The following FHOD3 variants were observed in gnomAD, a reference collection of about 807,000 sequenced individuals.
FHOD3 encodes formin homology 2 domain containing 3.
FHOD3 carries 90 observed loss-of-function variants against 173.0 expected under a neutral mutation model. The observed-to-expected ratio is 0.52, with a 90% CI of 0.44 to 0.62. The LOEUF is 0.62. Ranked by LOEUF, FHOD3 falls within the 20% of genes least tolerant of loss-of-function variation. The pLI is 0.00. For synonymous variants in FHOD3, 828 were observed against 823.0 expected (o/e 1.01, Z -0.10); for missense variants, 1,945 against 2,034.7 (o/e 0.96, Z 0.85).
intron 3 of FHOD3, among the ~76,000 whole-genome samples, chr18:36,429,929 G>A (rs2050443981): frequency 6.6e-6 from 1 of 152,130 alleles, no homozygotes; most frequent in Non-Finnish European, 1.5e-5. Context: ...TCAAGTTGGG[G>A]TGGAGTGTTC....
At chr18:36,678,671 T>C (rs1226085179) in intron 14 of FHOD3, among the ~76,000 whole-genome samples, 1 of 152,112 alleles carries the variant, frequency 6.6e-6, no homozygotes, top group Non-Finnish European at 1.5e-5. Context: ...AAGGGTTTTT[T>C]TTTTTAAACA....
chr18:36,653,257 A>T, intron 12 of FHOD3, 85 bp from the exon 13 acceptor site: 1 of 1,057,470 alleles, frequency 9.5e-7, no homozygotes, highest in Non-Finnish European at 1.4e-6. Flanking sequence ...GGTGGCATGA[A>T]GTCTTTTTGA....
At chr18:36,583,681 A>T (rs933901520) in intron 6 of FHOD3, among the ~76,000 whole-genome samples, 4 of 152,116 alleles carry the variant, frequency 2.6e-5, no homozygotes, top group Non-Finnish European at 5.9e-5. Context: ...TGCCATGGAG[A>T]GCAGCCTACT....
chr18:36,621,631 G>T (rs2033718824), intron 9 of FHOD3, among the ~76,000 whole-genome samples: 1 of 152,180 alleles, frequency 6.6e-6, no homozygotes, highest in Non-Finnish European at 1.5e-5. Context: ...CACTTTTCAG[G>T]CTTCTGTGTG....
intron 11 of FHOD3, among the ~76,000 whole-genome samples, chr18:36,650,207 CTT>C (rs111716620): frequency 6.8e-6 from 1 of 146,138 alleles, no homozygotes; most frequent in African/African-American, 2.5e-5. Context: ...GACATTTTTA[CTT>C]TTTTTTTTTT....
At chr18:36,680,578 C>T (rs910877247) in intron 14 of FHOD3, among the ~76,000 whole-genome samples, 1 of 152,208 alleles carries the variant, frequency 6.6e-6, no homozygotes, top group African/African-American at 2.4e-5. Flanking sequence ...TTTCTCTTCT[C>T]CCACTCATTC....
intron 9 of FHOD3, among the ~76,000 whole-genome samples, chr18:36,617,335 T>C (rs185011141): frequency 9.1e-4 from 139 of 152,296 alleles, no homozygotes; most frequent in African/African-American, 3.1e-3. Context: ...CAATGTATTA[T>C]TGAATTTTGT....
chr18:36,388,198 A>G (rs766273646), intron 3 of FHOD3, among the ~76,000 whole-genome samples: 15 of 152,160 alleles, frequency 9.9e-5, no homozygotes, highest in Non-Finnish European at 2.1e-4. Context: ...TTCTGATTCT[A>G]TAGCATATCA....
intron 3 of FHOD3, among the ~76,000 whole-genome samples, chr18:36,432,308 A>T (rs1599093823): frequency 7.0e-6 from 1 of 143,860 alleles, no homozygotes; most frequent in East Asian, 1.9e-4. Flanking sequence ...CTCTTTATTT[A>T]AAAAAAAATT....
At chr18:36,710,562 C>T (rs1238965064) in intron 18 of FHOD3, 1 of 152,072 alleles carries the variant, frequency 6.6e-6, no homozygotes, top group Non-Finnish European at 1.5e-5. Context: ...GGATTTTTTC[C>T]CAGTTAGAAT....
chr18:36,649,422 C>G lies in FHOD3; in HGVS notation c.1286+17C>G, dbSNP rs1487790682. 2 of 1,524,914 alleles carry G rather than the reference C, an allele frequency of 1.3e-6. No homozygotes were observed. Among genetic ancestry groups the G allele is most frequent in the African/African-American group, 2.8e-5 (2 of 72,690 alleles). The allele number at this position is 1,524,914 out of a possible 1,614,324, so 94.5% of individuals were successfully genotyped here. A position where few individuals can be genotyped will look rare whatever the true frequency, so the allele number is the denominator to read the frequency against. On this transcript the variant is annotated intron_variant, in intron 11 of 28. Transcript: ENST00000590592. ...CAAGGACAGGTACCTAGGACTGGAG[C>G]CTCCCAAGCTCACACTAAAAGTGGG...
chr18:36,752,139 C>A (rs2042427358), intron 24 of FHOD3, among the ~76,000 whole-genome samples: 1 of 152,102 alleles, frequency 6.6e-6, no homozygotes, highest in Non-Finnish European at 1.5e-5. Flanking sequence ...CTTACTCTCA[C>A]AAGAACAGGA....
At chr18:36,378,576 C>T (rs562440130) in intron 3 of FHOD3, among the ~76,000 whole-genome samples, 40 of 142,728 alleles carry the variant, frequency 2.8e-4, no homozygotes, top group Admixed American at 2.8e-3. Context: ...AACCCCTGTC[C>T]CCCCTGGACC....
intron 27 of FHOD3, among the ~76,000 whole-genome samples, chr18:36,762,305 GTCCAAGGAGGACC>G (rs1365169773): frequency 1.3e-5 from 2 of 152,222 alleles, no homozygotes; most frequent in Non-Finnish European, 2.9e-5. Flanking sequence ...ACAAACTGCT[GTCCAAGGAGGACC>G]TCAAAGGGAC....
intron 1 of FHOD3, among the ~76,000 whole-genome samples, chr18:36,337,948 C>T (rs1217798520): frequency 6.6e-6 from 1 of 152,170 alleles, no homozygotes; most frequent in African/African-American, 2.4e-5. Context: ...CTCTGAGGAT[C>T]TTAAAGGCAG....
Position 36,693,096 on chromosome 18 carries a change from G to A in FHOD3, c.2022-113G>A, listed in dbSNP as rs568481536. ...CTGACTCTCCAGCCAGCCCTGCACT[G>A]TGCTGTGTGCATCAGGAAACCGGCT... On this transcript the variant is annotated intron_variant, in intron 16 of 28. Transcript: ENST00000590592. The A allele has an allele frequency of 3.4e-3, 3,566 of 1,056,470 alleles. 11 individuals carry two copies. The highest frequency in any genetic ancestry group is 3.9e-3 in the Non-Finnish European group (2,758 of 708,422). 65.4% of individuals were successfully genotyped at this position (1,056,470 alleles called of 1,614,324 possible).
rs776953843 is a variant in FHOD3, at chr18:36,769,412, C to T, written c.4772C>T (p.Ala1591Val). ...VVPRERKRSR[A>V]NRKSLRRTLK... ...CCGAGGGAGAGGAAACGATCCCGGGCCAACCGGAAATCTTGTGAGTGCATT... is the reference window on the plus strand; with the variant it reads ...CCGAGGGAGAGGAAACGATCCCGGGTCAACCGGAAATCTTGTGAGTGCATT... The change falls in exon 28 of 29, where the codon GCC becomes GTC. Residue 1591 changes from alanine (A) to valine (V), a missense_variant. Ala to Val is a moderately conservative substitution (Grantham distance 64). Around this residue, in one of 5 missense-constraint regions of FHOD3, gnomAD observed 354 missense variants for 359.9 expected, o/e 0.98. Coordinates refer to ENST00000590592, the MANE Select transcript of FHOD3 (RefSeq NM_001281740.3). 1.4e-5 allele frequency: 23 copies of T among 1,613,882 alleles called. No homozygotes were observed. The highest frequency in any genetic ancestry group is 1.9e-5 in the Non-Finnish European group (23 of 1,179,986).
chr18:36,555,288 C>A (rs534309859), intron 5 of FHOD3, among the ~76,000 whole-genome samples: 8 of 151,886 alleles, frequency 5.3e-5, no homozygotes, highest in South Asian at 4.1e-4. Flanking sequence ...TGTTCTTTAA[C>A]CCTGGGTTAT....
chr18:36,501,917 T>C lies in FHOD3; in HGVS notation c.338-15T>C. The stretch of plus-strand genomic sequence containing the variant: ...GTCAGTTTAATTAATTTATATGTTT[T>C]ATTCTTTATTTCAGAAAAACTATAC... On this transcript the variant is annotated splice_polypyrimidine_tract_variant and intron_variant, in intron 3 of 28. Coordinates refer to ENST00000590592, the MANE Select transcript of FHOD3 (RefSeq NM_001281740.3). 1.3e-6 allele frequency: 2 copies of C among 1,563,714 alleles called. No homozygotes were observed. Among genetic ancestry groups the C allele is most frequent in the South Asian group, 2.3e-5 (2 of 85,624 alleles).
Sources: gnomAD v4.1 joint callset for allele counts (sites outside exome capture counted in the v4.1 genomes callset) on GRCh38, gnomAD v4.1.1 for gene constraint, gnomAD v4.1.1 regional missense constraint, MANE v1.5 for transcripts, NCBI Gene and HGNC (gene_info 2026-07-23, HGNC 2026-07-21) for gene names.